Variants in SEC23IP observed in about 807,000 individuals in gnomAD.
SEC23IP encodes the protein SEC23 interacting protein.
In SEC23IP, 70 loss-of-function variants were observed where a neutral mutation model predicts 113.4. That is an observed-to-expected ratio of 0.62 (90% confidence interval 0.51 to 0.75). The LOEUF (loss-of-function observed/expected upper bound fraction) is 0.75, where lower values mean the gene tolerates loss of function less well. Ranked by LOEUF, SEC23IP falls within the 30% of genes least tolerant of loss-of-function variation. SEC23IP has a pLI of 0.00. For missense variants in SEC23IP, 1,160 were observed against 1,204.9 expected (o/e 0.96, Z 0.55); for synonymous variants, 398 against 421.0 (o/e 0.95, Z 0.67).
At chr10:119,914,657 C>G in intron 6 of SEC23IP, 73 bp from the exon 7 acceptor site, 1 of 1,214,752 alleles carries the variant, frequency 8.2e-7, no homozygotes, top group Non-Finnish European at 1.2e-6. Context: ...AAAGGGATAT[C>G]TAGAATATTG....
intron 5 of SEC23IP, among the ~76,000 whole-genome samples, chr10:119,909,842 A>C (rs1854801840): frequency 6.6e-6 from 1 of 152,122 alleles, no homozygotes; most frequent in Non-Finnish European, 1.5e-5. Context: ...GTGAGCTGTG[A>C]TCACGCTCAC....
chr10:119,932,675 C>G (rs1381409538), intron 16 of SEC23IP, among the ~76,000 whole-genome samples: 1 of 152,184 alleles, frequency 6.6e-6, no homozygotes, highest in African/African-American at 2.4e-5. Context: ...TGTTGTTTAA[C>G]TATGTTACAG....
chr10:119,926,174 T>G lies in SEC23IP; in HGVS notation c.2260T>G (p.Cys754Gly), dbSNP rs780257626. 8 of 1,614,030 alleles carry G rather than the reference T, an allele frequency of 5.0e-6. No individual in the cohort carries two copies. The highest frequency in any genetic ancestry group is 3.3e-5 in the Admixed American group (2 of 60,002). Residue 754 changes from cysteine (C) to glycine (G), a missense_variant, in exon 13 of 19, where the codon TGC (cysteine) becomes GGC (glycine). Transcript: ENST00000369075. ...EPKRKLPVGA[C>G]VSSVCVNYES... ...AAAGAGGAAACTTCCAGTTGGTGCT[T>G]GCGTGTCTTCTGTGTGTGTGAATTA...
chr10:119,899,920 CGTTT>C (rs1854419688), intron 2 of SEC23IP, among the ~76,000 whole-genome samples: 1 of 152,054 alleles, frequency 6.6e-6, no homozygotes, highest in Non-Finnish European at 1.5e-5. Flanking sequence ...CATTTCATCC[CGTTT>C]GTTTTTTAAT....
intron 1 of SEC23IP, among the ~76,000 whole-genome samples, chr10:119,893,588 C>T (rs898319911): frequency 2.1e-5 from 3 of 143,026 alleles, no homozygotes; most frequent in Admixed American, 7.4e-5. Flanking sequence ...GGCGCGATCT[C>T]GGCTCACTGC....
intron 6 of SEC23IP, 38 bp from the exon 7 acceptor site, chr10:119,914,692 C>T: frequency 2.0e-6 from 3 of 1,532,444 alleles, no homozygotes; most frequent in Non-Finnish European, 2.7e-6. Context: ...CAAACAAATT[C>T]CCATCTTTTA....
chr10:119,918,826 G>T (rs553481330), intron 10 of SEC23IP, among the ~76,000 whole-genome samples: 1 of 152,196 alleles, frequency 6.6e-6, no homozygotes, highest in South Asian at 2.1e-4. Context: ...AAAGTACACC[G>T]AGGTTTAGAA....
At chr10:119,935,606 C>T (rs904010117) in intron 18 of SEC23IP, among the ~76,000 whole-genome samples, 2 of 152,166 alleles carry the variant, frequency 1.3e-5, no homozygotes, top group Non-Finnish European at 2.9e-5. Flanking sequence ...CTGTTGAGCA[C>T]CTTACTTAAG....
chr10:119,900,310 T>C (rs1341665399), intron 2 of SEC23IP, among the ~76,000 whole-genome samples: 2 of 151,202 alleles, frequency 1.3e-5, no homozygotes, highest in Non-Finnish European at 3.0e-5. Context: ...TATATATATA[T>C]ATAAAATTTT....
At chr10:119,939,729 G>A (rs1367260021) in intron 18 of SEC23IP, among the ~76,000 whole-genome samples, 1 of 152,176 alleles carries the variant, frequency 6.6e-6, no homozygotes, top group African/African-American at 2.4e-5. Context: ...GTCTCACTCT[G>A]TCACCCAGCT....
chr10:119,935,258 C>G (rs1405297331), intron 18 of SEC23IP, among the ~76,000 whole-genome samples: 2 of 152,218 alleles, frequency 1.3e-5, no homozygotes, highest in African/African-American at 2.4e-5. Flanking sequence ...GTTAGGAGTT[C>G]AAGACTAGCC....
chr10:119,936,808 T>TTTGTCAG (rs1443209438), intron 18 of SEC23IP, among the ~76,000 whole-genome samples: 1 of 152,054 alleles, frequency 6.6e-6, no homozygotes, highest in African/African-American at 2.4e-5. Context: ...TTATATTTCT[T>TTTGTCAG]TTGTCAGTTG....
intron 9 of SEC23IP, 115 bp from the exon 10 acceptor site, chr10:119,918,278 C>T: frequency 1.4e-6 from 1 of 703,216 alleles, no homozygotes; most frequent in South Asian, 1.9e-5. Context: ...AATTAATTAT[C>T]AGGTCTTGAA....
chr10:119,933,941 A>G (rs1417608228), intron 18 of SEC23IP, among the ~76,000 whole-genome samples, 154 bp downstream of exon 18: 1 of 152,190 alleles, frequency 6.6e-6, no homozygotes, highest in Non-Finnish European at 1.5e-5. Flanking sequence ...TAAGGAAGAT[A>G]ATTGGTTTGT....
At position 119,919,482 on chromosome 10, in the gene SEC23IP, T is replaced by C; in HGVS notation, c.1911T>C (p.Tyr637=). ...CAAAGCTGACTTTGGATGAGTCGTA[T>C]GACCTTGTTGTTGAAAATAAAGAAG... The part of the protein sequence containing the change: ...EEPKLTLDES[Y]DLVVENKEVL... Residue 637 remains tyrosine (Y), a synonymous_variant, in exon 11 of 19, where the codon TAT becomes TAC. Transcript: ENST00000369075. 1 of 1,612,748 alleles carries C rather than the reference T, an allele frequency of 6.2e-7. No homozygotes were observed. The highest frequency in any genetic ancestry group is 8.5e-7 in the Non-Finnish European group (1 of 1,179,622).
intron 2 of SEC23IP, among the ~76,000 whole-genome samples, chr10:119,899,688 A>G (rs1243350248): frequency 1.3e-5 from 2 of 152,150 alleles, no homozygotes; most frequent in Non-Finnish European, 2.9e-5. Context: ...ACAATGTTGG[A>G]TTTCGGCATT....
intron 8 of SEC23IP, among the ~76,000 whole-genome samples, chr10:119,917,293 G>C (rs1855084483): frequency 6.6e-6 from 1 of 151,980 alleles, no homozygotes; most frequent in South Asian, 2.1e-4. Flanking sequence ...TCCACCTCCT[G>C]GGTTCAAGCG....
chr10:119,906,381 A>G (rs1854666558), intron 4 of SEC23IP, among the ~76,000 whole-genome samples: 1 of 150,660 alleles, frequency 6.6e-6, no homozygotes, highest in Non-Finnish European at 1.5e-5. Flanking sequence ...GATAAATTTT[A>G]GGCAATCCCA....
At chr10:119,917,071 G>A (rs975646379) in intron 8 of SEC23IP, among the ~76,000 whole-genome samples, 1 of 152,124 alleles carries the variant, frequency 6.6e-6, no homozygotes, top group Non-Finnish European at 1.5e-5. Flanking sequence ...GTCTCACTGT[G>A]TTGCTCAAGC....
Sources: gnomAD v4.1 joint callset for allele counts (sites outside exome capture counted in the v4.1 genomes callset) on GRCh38, gnomAD v4.1.1 for gene constraint, MANE v1.5 for transcripts, NCBI Gene and HGNC (gene_info 2026-07-23, HGNC 2026-07-21) for gene names.